The following PLCL1 variants were observed in gnomAD, a reference collection of about 807,000 sequenced individuals.
PLCL1 encodes the protein inactive phospholipase C-like protein 1.
Under a neutral mutation model 84.4 loss-of-function variants are expected in PLCL1, and 41 were observed. That is an observed-to-expected ratio of 0.49 (90% CI 0.38 to 0.63). The LOEUF is 0.63. Among genes scored for constraint, PLCL1 ranks in the 30% least tolerant of loss-of-function variants. The probability of loss-of-function intolerance (pLI) is 0.00; values close to 1 mark genes in which losing one functional copy is unlikely to be tolerated. For synonymous variants in PLCL1, 490 were observed against 488.3 expected (o/e 1.00, Z -0.05); for missense variants, 1,206 against 1,367.8 (o/e 0.88, Z 1.87).
In PLCL1 at chr2:198,103,955, T is replaced by A. The variant is rs567258192; in HGVS notation, c.3105+19T>A. 55 of 1,249,810 alleles carry A rather than the reference T, an allele frequency of 4.4e-5. No homozygotes were observed. The highest frequency in any genetic ancestry group is 6.1e-5 in the Non-Finnish European group (53 of 865,096). The allele number at this position is 1,249,810 out of a possible 1,614,324, so 77.4% of individuals were successfully genotyped here. A position where few individuals can be genotyped will look rare whatever the true frequency, so the allele number is the denominator to read the frequency against. On this transcript the variant is annotated intron_variant, in intron 5 of 5. Coordinates refer to ENST00000428675, the MANE Select transcript of PLCL1 (RefSeq NM_006226.4). ...ATTGAAGGTAGATGAAACACTCAGA[T>A]GTCCCCTGTGCCTTTACTTTTCTTC...
At chr2:197,946,660 C>T (rs1286177186) in intron 1 of PLCL1, among the ~76,000 whole-genome samples, 2 of 152,150 alleles carry the variant, frequency 1.3e-5, no homozygotes, top group Non-Finnish European at 2.9e-5. Context: ...AGTACCTGGC[C>T]TCCTCTCTAC....
intron 1 of PLCL1, among the ~76,000 whole-genome samples, chr2:197,899,736 C>T (rs956287763): frequency 2.0e-5 from 3 of 149,966 alleles, no homozygotes; most frequent in Non-Finnish European, 3.0e-5. Context: ...CCCAGGTTCA[C>T]GCCATTCTCC....
chr2:197,824,685 G>GC (rs1438311180), intron 1 of PLCL1, among the ~76,000 whole-genome samples: 1 of 139,170 alleles, frequency 7.2e-6, no homozygotes, highest in Non-Finnish European at 1.5e-5. Flanking sequence ...CTGCACTCCA[G>GC]CCCGGGCAAC....
chr2:198,140,523 T>C (rs1011154085), intron 5 of PLCL1, among the ~76,000 whole-genome samples: 5 of 152,168 alleles, frequency 3.3e-5, no homozygotes, highest in African/African-American at 9.6e-5. Flanking sequence ...AATAAAGCTA[T>C]TGTAACAAAG....
At chr2:197,825,984 G>A (rs1690920287) in intron 1 of PLCL1, among the ~76,000 whole-genome samples, 2 of 152,124 alleles carry the variant, frequency 1.3e-5, no homozygotes, top group African/African-American at 4.8e-5. Context: ...CTGTCCATTG[G>A]CTACTAATGA....
At chr2:198,131,237 G>A (rs948161378) in intron 5 of PLCL1, among the ~76,000 whole-genome samples, 1 of 152,168 alleles carries the variant, frequency 6.6e-6, no homozygotes, top group Non-Finnish European at 1.5e-5. Context: ...ATGGGGCACT[G>A]TTATCTGTAC....
intron 1 of PLCL1, among the ~76,000 whole-genome samples, chr2:198,024,072 A>T (rs780951252): frequency 6.6e-6 from 1 of 152,222 alleles, no homozygotes; most frequent in African/African-American, 2.4e-5. Flanking sequence ...CAGCCATAAA[A>T]AAAGAATGAG....
At chr2:197,821,700 C>T (rs1450682401) in intron 1 of PLCL1, among the ~76,000 whole-genome samples, 1 of 152,082 alleles carries the variant, frequency 6.6e-6, no homozygotes, top group Non-Finnish European at 1.5e-5. Flanking sequence ...TCCCACTGGC[C>T]CATTGGCCCA....
At chr2:197,832,770 C>G (rs1691095394) in intron 1 of PLCL1, among the ~76,000 whole-genome samples, 1 of 152,172 alleles carries the variant, frequency 6.6e-6, no homozygotes, top group African/African-American at 2.4e-5. Flanking sequence ...ACTGGCAAAC[C>G]AAATCCAGCA....
At chr2:197,825,606 A>G (rs750049740) in intron 1 of PLCL1, among the ~76,000 whole-genome samples, 20 of 152,156 alleles carry the variant, frequency 1.3e-4, no homozygotes, top group Admixed American at 2.0e-4. Flanking sequence ...ATTCTCTTCT[A>G]CCTTCCTTAA....
chr2:197,805,559 A>G lies in PLCL1; in HGVS notation c.240+220A>G, dbSNP rs1335334122. Among the ~76,000 whole-genome samples, 1 of 152,166 alleles carries G rather than the reference A, an allele frequency of 6.6e-6. No individual in the cohort carries two copies. The highest frequency in any genetic ancestry group is 1.5e-5 in the Non-Finnish European group (1 of 68,020). ...TTCTCCCCACTGACGGCAGAGGAAAAGTTCCGCTCTGCGTCTTTGCGTTCT... is the reference window on the plus strand; with the variant it reads ...TTCTCCCCACTGACGGCAGAGGAAAGGTTCCGCTCTGCGTCTTTGCGTTCT... On this transcript the variant is annotated intron_variant, in intron 1 of 5. Coordinates refer to ENST00000428675, the MANE Select transcript of PLCL1 (RefSeq NM_006226.4). This position sits in a 1 kb window ranked among gnomAD's most constrained non-coding sequence, Gnocchi z 4.0.
intron 1 of PLCL1, among the ~76,000 whole-genome samples, chr2:198,059,157 T>G (rs1480168159): frequency 6.6e-6 from 1 of 152,214 alleles, no homozygotes; most frequent in Non-Finnish European, 1.5e-5. Flanking sequence ...TGTGTGACTT[T>G]ATCCATCAGA....
At chr2:197,806,419 C>A (rs953370817) in intron 1 of PLCL1, among the ~76,000 whole-genome samples, 14 of 152,226 alleles carry the variant, frequency 9.2e-5, no homozygotes, top group African/African-American at 3.4e-4. Flanking sequence ...ACCAGTGCAT[C>A]ACGCATGTTG....
intron 1 of PLCL1, among the ~76,000 whole-genome samples, chr2:197,853,748 T>TAGGAA (rs1687283386): frequency 2.0e-5 from 3 of 152,168 alleles, no homozygotes; most frequent in Non-Finnish European, 4.4e-5. Context: ...AAGTTGTCCC[T>TAGGAA]GTTTCTACCC....
intron 1 of PLCL1, among the ~76,000 whole-genome samples, chr2:197,930,054 C>A (rs1688904115): frequency 6.6e-6 from 1 of 152,090 alleles, no homozygotes; most frequent in Non-Finnish European, 1.5e-5. Flanking sequence ...TTAATCTGTG[C>A]AAATGCCTAC....
chr2:197,835,889 C>T (rs749534564), intron 1 of PLCL1, among the ~76,000 whole-genome samples: 3 of 151,900 alleles, frequency 2.0e-5, no homozygotes, highest in Non-Finnish European at 4.4e-5. Context: ...CTGCAGGAGC[C>T]GGTGAGACTA....
At chr2:198,127,540 A>G (rs1450277934) in intron 5 of PLCL1, among the ~76,000 whole-genome samples, 2 of 152,178 alleles carry the variant, frequency 1.3e-5, no homozygotes, top group Admixed American at 1.3e-4. Flanking sequence ...TTGAAGAGGC[A>G]TGACAGTTTC....
intron 1 of PLCL1, among the ~76,000 whole-genome samples, chr2:198,008,702 C>A (rs1435682124): frequency 2.0e-5 from 3 of 151,898 alleles, no homozygotes; most frequent in Non-Finnish European, 4.4e-5. Flanking sequence ...TTTCTGAATT[C>A]TTTTGGATAT....
At chr2:197,922,896 GCGGGGGGC>G in intron 1 of PLCL1, among the ~76,000 whole-genome samples, 1 of 139,122 alleles carries the variant, frequency 7.2e-6, no homozygotes, top group African/African-American at 2.6e-5. Flanking sequence ...GGCTGGCCGG[GCGGGGGGC>G]TGACCCCCCC....
Sources: allele counts gnomAD v4.1 joint callset (sites outside exome capture counted in the v4.1 genomes callset), GRCh38; gene constraint gnomAD v4.1.1; non-coding constraint Gnocchi (gnomAD v3.1); transcripts MANE v1.5; gene names NCBI Gene and HGNC (gene_info 2026-07-23, HGNC 2026-07-21).